The following CDH4 variants were observed in gnomAD, a reference collection of about 807,000 sequenced individuals.
The protein encoded by CDH4 is cadherin 4.
In CDH4, 33 loss-of-function variants were observed where a neutral mutation model predicts 86.0. The ratio of observed to expected loss-of-function variants is 0.38; its 90% CI spans 0.29 to 0.51. CDH4 has a LOEUF of 0.51. Ranked by LOEUF, CDH4 falls within the 20% of genes least tolerant of loss-of-function variation. The probability of loss-of-function intolerance (pLI) is 0.86; values close to 1 mark genes in which losing one functional copy is unlikely to be tolerated. For missense variants in CDH4, 1,114 were observed against 1,307.4 expected (o/e 0.85, Z 2.28); for synonymous variants, 555 against 549.4 (o/e 1.01, Z -0.14).
chr20:61,750,081 A>G (rs564587325), intron 3 of CDH4, among the ~76,000 whole-genome samples: 9 of 152,158 alleles, frequency 5.9e-5, no homozygotes, highest in Non-Finnish European at 1.0e-4. Flanking sequence ...CAGAAAATCA[A>G]CAATCCAGGC....
At chr20:61,316,644 A>G (rs1184586506) in intron 2 of CDH4, among the ~76,000 whole-genome samples, 2 of 152,202 alleles carry the variant, frequency 1.3e-5, no homozygotes, top group African/African-American at 4.8e-5. Context: ...TTGCTGACTG[A>G]TGGGTGGAAG....
chr20:61,358,276 G>A (rs1169860116), intron 2 of CDH4, among the ~76,000 whole-genome samples: 1 of 152,108 alleles, frequency 6.6e-6, no homozygotes, highest in African/African-American at 2.4e-5. Context: ...GTGCTGAGTG[G>A]GGTCATGGTC....
At chr20:61,413,733 T>G (rs955475720) in intron 2 of CDH4, among the ~76,000 whole-genome samples, 2 of 152,192 alleles carry the variant, frequency 1.3e-5, no homozygotes, top group African/African-American at 4.8e-5. Flanking sequence ...CCACTGGTTC[T>G]CAAGGACAGT....
intron 4 of CDH4, among the ~76,000 whole-genome samples, chr20:61,822,984 T>G (rs1981123664): frequency 6.6e-6 from 1 of 152,168 alleles, no homozygotes; most frequent in African/African-American, 2.4e-5. Context: ...GGAATGCAGG[T>G]GCAGGGAGAA....
intron 2 of CDH4, chr20:61,499,424 A>G (rs1426404411): frequency 1.7e-5 from 22 of 1,287,622 alleles, no homozygotes; most frequent in African/African-American, 7.6e-5. Flanking sequence ...CTGGTTCAGA[A>G]CAAGGATTCG....
chr20:61,791,012 C>A (rs1375979178), intron 4 of CDH4, among the ~76,000 whole-genome samples: 2 of 152,264 alleles, frequency 1.3e-5, no homozygotes, highest in Non-Finnish European at 1.5e-5. Flanking sequence ...CTGACAGCAG[C>A]AGGCCCCTAA....
chr20:61,603,152 G>A (rs750374062), intron 2 of CDH4, among the ~76,000 whole-genome samples: 38 of 152,226 alleles, frequency 2.5e-4, no homozygotes, highest in Admixed American at 3.9e-4. Context: ...GGGCACCCCT[G>A]TGAGCCGAGT....
intron 4 of CDH4, among the ~76,000 whole-genome samples, chr20:61,793,867 G>A (rs1348645855): frequency 2.3e-5 from 3 of 133,266 alleles, no homozygotes; most frequent in Non-Finnish European, 3.2e-5. Flanking sequence ...GGCCAGGTAC[G>A]GTGGCTCACT....
At chr20:61,770,182 C>T (rs1205629189) in intron 3 of CDH4, among the ~76,000 whole-genome samples, 2 of 152,130 alleles carry the variant, frequency 1.3e-5, no homozygotes, top group Admixed American at 6.5e-5. Context: ...GGGCTGAAGT[C>T]GAGACCCCTG....
intron 2 of CDH4, among the ~76,000 whole-genome samples, chr20:61,467,843 A>C (rs547604312): frequency 7.7e-4 from 118 of 152,302 alleles, no homozygotes; most frequent in African/African-American, 2.7e-3. Context: ...TGGATTCGAT[A>C]ATTCTCTAGG....
Position 61,254,855 on chromosome 20 carries a change from G to C in CDH4, c.87G>C (p.Glu29Asp), listed in dbSNP as rs1181802879. The C allele has an allele frequency of 1.2e-6, 2 of 1,611,316 alleles. No individual in the cohort carries two copies. The highest frequency in any genetic ancestry group is 1.7e-6 in the Non-Finnish European group (2 of 1,177,516). Residue 29 changes from glutamate to aspartate, a missense_variant, in exon 2 of 16, where the codon GAG becomes GAC. Glu to Asp is a conservative substitution (Grantham distance 45). Around this residue, in one of 3 missense-constraint regions of CDH4, gnomAD observed 221 missense variants for 209.5 expected, o/e 1.05. Coordinates refer to ENST00000614565, the MANE Select transcript of CDH4 (RefSeq NM_001794.5). ...RAHNEDLTTR[E>D]TCKAGFSEDD... ...ATAATGAGGATCTTACAACTAGAGA[G>C]ACCTGCAAGGCTGGGTTCTCTGAAG...
chr20:61,508,310 G>A (rs952007019), intron 2 of CDH4, among the ~76,000 whole-genome samples: 17 of 152,228 alleles, frequency 1.1e-4, no homozygotes, highest in African/African-American at 3.9e-4. Context: ...CAGGAGCCTG[G>A]AGAGGTCCCC....
At chr20:61,411,301 C>T (rs976015974) in intron 2 of CDH4, among the ~76,000 whole-genome samples, 1 of 149,350 alleles carries the variant, frequency 6.7e-6, no homozygotes, top group African/African-American at 2.5e-5. Flanking sequence ...ACAAGGCCTT[C>T]ATTACATCCC....
At chr20:61,752,507 A>G (rs1442650538) in intron 3 of CDH4, among the ~76,000 whole-genome samples, 2 of 152,198 alleles carry the variant, frequency 1.3e-5, no homozygotes, top group Non-Finnish European at 2.9e-5. Flanking sequence ...TCAAATATAC[A>G]TATGCCTCGT....
intron 4 of CDH4, among the ~76,000 whole-genome samples, chr20:61,779,261 C>T (rs1173061604): frequency 1.3e-5 from 2 of 152,192 alleles, no homozygotes; most frequent in Non-Finnish European, 2.9e-5. Flanking sequence ...TGAGGGGGAA[C>T]GTGGTGCTCC....
intron 2 of CDH4, among the ~76,000 whole-genome samples, chr20:61,590,459 G>A (rs1268263911): frequency 6.6e-6 from 1 of 152,218 alleles, no homozygotes; most frequent in African/African-American, 2.4e-5. Context: ...CCCGATCTGC[G>A]ACAGTCAGCC....
At chr20:61,435,795 C>T (rs1256602015) in intron 2 of CDH4, 1 of 152,302 alleles carries the variant, frequency 6.6e-6, no homozygotes, top group Non-Finnish European at 1.5e-5. Context: ...AGTACCCTTC[C>T]TGGAGACGCA....
chr20:61,555,190 T>C (rs1178602226), intron 2 of CDH4, among the ~76,000 whole-genome samples: 1 of 152,250 alleles, frequency 6.6e-6, no homozygotes, highest in Admixed American at 6.5e-5. Context: ...TTGTAGCTGC[T>C]GCTTCATTTG....
intron 4 of CDH4, among the ~76,000 whole-genome samples, chr20:61,844,166 A>G (rs560484493): frequency 6.6e-6 from 1 of 152,118 alleles, no homozygotes; most frequent in South Asian, 2.1e-4. Context: ...GTGTCTTTCC[A>G]TTTCCTCCCC....
Sources: allele counts gnomAD v4.1 joint callset (sites outside exome capture counted in the v4.1 genomes callset), GRCh38; gene constraint gnomAD v4.1.1; regional missense constraint gnomAD v4.1.1; transcripts MANE v1.5; gene names NCBI Gene and HGNC (gene_info 2026-07-23, HGNC 2026-07-21).